Variants in RUBCN observed in about 807,000 individuals in gnomAD.
RUBCN encodes rubicon autophagy regulator, also known as run domain Beclin-1-interacting and cysteine-rich domain-containing protein.
RUBCN carries 74 observed loss-of-function variants against 113.2 expected under a neutral mutation model. That is an observed-to-expected ratio of 0.65 (90% CI 0.54 to 0.79). RUBCN has a LOEUF of 0.79. RUBCN is among the 30% of genes least tolerant of loss of function. The pLI is 0.00. For synonymous variants in RUBCN, 480 were observed against 490.0 expected, an observed-to-expected ratio of 0.98 and a Z score of 0.27; for missense variants, 1,109 against 1,251.7, an observed-to-expected ratio of 0.89 and a Z score of 1.72.
intron 1 of RUBCN, among the ~76,000 whole-genome samples, chr3:197,732,921 G>A (rs1279021679): frequency 1.3e-5 from 2 of 152,172 alleles, no homozygotes; most frequent in African/African-American, 2.4e-5. Context: ...GGGTGGATTC[G>A]ACATTTTTCC....
At chr3:197,708,636 A>C (rs1724601884) in intron 2 of RUBCN, among the ~76,000 whole-genome samples, 1 of 152,024 alleles carries the variant, frequency 6.6e-6, no homozygotes, top group Admixed American at 6.6e-5. Context: ...GTTGCCAAAG[A>C]AGCACTCAAG....
At chr3:197,699,260 G>C in intron 7 of RUBCN, 2 of 1,490,888 alleles carry the variant, frequency 1.3e-6, no homozygotes, top group Middle Eastern at 1.7e-4. Context: ...GTGCAGAGGA[G>C]AGTCCAGATA....
At chr3:197,705,071 C>A in intron 3 of RUBCN, 21 bp downstream of exon 3, 2 of 1,597,446 alleles carry the variant, frequency 1.3e-6, no homozygotes, top group Middle Eastern at 3.3e-4. Context: ...GCCAGCACAG[C>A]CGCTCTGCTC....
Position 197,734,412 on chromosome 3 carries a change from A to G in RUBCN, c.65+2243T>C, listed in dbSNP as rs1002427505. ...TAGTGAGACCCTGTCTAAAAAAAGA[A>G]AAAAAAAAAAAAGCGCAGACTCTGG... On this transcript the variant is annotated intron_variant, in intron 1 of 19. Coordinates refer to ENST00000296343, the MANE Select transcript of RUBCN (RefSeq NM_014687.4). 6.8e-5 allele frequency among the ~76,000 whole-genome samples: 9 copies of G among 133,088 alleles called. No homozygotes were observed. The East Asian group carries it at 1.2e-3, about 17-fold the overall frequency. The allele number at this position is 133,088 out of a possible 152,430, so 87.3% of individuals were successfully genotyped here.
intron 16 of RUBCN, among the ~76,000 whole-genome samples, chr3:197,680,047 C>A (rs1268186621): frequency 1.3e-5 from 2 of 151,508 alleles, no homozygotes; most frequent in African/African-American, 2.4e-5. Flanking sequence ...TACGCTCTGA[C>A]AACTGGCTTC....
At chr3:197,747,390 CTTT>C (rs397937984) in intron 1 of RUBCN, among the ~76,000 whole-genome samples, 1 of 144,338 alleles carries the variant, frequency 6.9e-6, no homozygotes, top group East Asian at 2.0e-4. Flanking sequence ...AAAAGAGAAT[CTTT>C]TTTTTTTTTT....
rs923506034 is a variant in RUBCN, at chr3:197,709,623, G to A, written c.220-4448C>T. Among the ~76,000 whole-genome samples the A allele has an allele frequency of 6.6e-5, 10 of 152,000 alleles. No homozygotes were observed. In the South Asian group the frequency reaches 8.3e-4, roughly 13 times the overall value. On this transcript the variant is annotated intron_variant, in intron 2 of 19. Coordinates refer to ENST00000296343, the MANE Select transcript of RUBCN (RefSeq NM_014687.4). ...TCAAACTCCCCACCTCAGGTGATCC[G>A]CCTGCCTCGGCCTCCCAAAGTGCTG...
chr3:197,700,763 C>T lies in RUBCN; in HGVS notation c.1111G>A (p.Asp371Asn). The T allele has an allele frequency of 6.2e-7, 1 of 1,614,190 alleles. No individual in the cohort carries two copies. ...TGGCTCTCCCCACCTCCTTCCTGGT[C>T]CCCTAAGGAAGAGGCAGCAGAATCT... ...KPDSAASSLG[D>N]QEGGGESQLS... Residue 371 changes from aspartate (D) to asparagine (N), a missense_variant, in exon 7 of 20, where the codon GAC (aspartate) becomes AAC (asparagine). Coordinates refer to ENST00000296343, the MANE Select transcript of RUBCN (RefSeq NM_014687.4).
upstream of RUBCN, among the ~76,000 whole-genome samples, chr3:197,737,446 C>G (rs1728274402): frequency 6.6e-6 from 1 of 151,372 alleles, no homozygotes; most frequent in East Asian, 1.9e-4. Context: ...GCAGAGTTTT[C>G]AAGGCTGAGT....
At chr3:197,724,436 T>A (rs572273776) in intron 1 of RUBCN, among the ~76,000 whole-genome samples, 2 of 152,344 alleles carry the variant, frequency 1.3e-5, no homozygotes, top group South Asian at 4.1e-4. Context: ...GTGAAAGTAC[T>A]ATGCAATTGC....
chr3:197,682,539 C>T lies in RUBCN; in HGVS notation c.2057G>A (p.Arg686His), dbSNP rs758004650. 1.1e-5 allele frequency: 17 copies of T among 1,614,034 alleles called. 1 individual carries two copies. The highest frequency in any genetic ancestry group is 7.7e-5 in the South Asian group (7 of 91,086). ...GGCCCACTCCAAGTTGCCACGAACACGAATCCGCAGCTTGTAGATGTCAGC... is the reference window on the plus strand; with the variant it reads ...GGCCCACTCCAAGTTGCCACGAACATGAATCCGCAGCTTGTAGATGTCAGC... ...QHADIYKLRI[R>H]VRGNLEWAPP... Residue 686 changes from arginine (R) to histidine (H), a missense_variant, in exon 14 of 20, where the codon CGT becomes CAT. Around this residue, in one of 3 missense-constraint regions of RUBCN, gnomAD observed 67 missense variants for 123.2 expected, o/e 0.54. Transcript: ENST00000296343.
chr3:197,697,883 C>T (rs1469683330), intron 7 of RUBCN, among the ~76,000 whole-genome samples: 1 of 151,976 alleles, frequency 6.6e-6, no homozygotes, highest in Non-Finnish European at 1.5e-5. Context: ...ACTTGCTCCT[C>T]TCACAAAAAA....
In RUBCN at chr3:197,695,938, T is replaced by C; in HGVS notation, c.1401A>G (p.Arg467=). 6.2e-7 allele frequency: 1 copy of C among 1,614,166 alleles called. No individual in the cohort carries two copies. The highest frequency in any genetic ancestry group is 8.5e-7 in the Non-Finnish European group (1 of 1,180,028). ...TGATGAGGGACTGTCCTTCTGATGG[T>C]CTTCGGAACATGCCTTCCCCTGAGC... is the stretch of plus-strand genomic sequence containing the variant. ...YLCSGEGMFR[R]PSEGQSLISY... The change falls in exon 9 of 20, where the codon AGA becomes AGG. Residue 467 remains arginine, a synonymous_variant. Transcript: ENST00000296343.
intron 1 of RUBCN, among the ~76,000 whole-genome samples, chr3:197,720,426 A>C (rs1726018135): frequency 6.7e-6 from 1 of 149,894 alleles, no homozygotes; most frequent in Admixed American, 6.6e-5. Flanking sequence ...TTTTTTTTTT[A>C]AGACAGACTC....
At chr3:197,676,680 T>A in intron 18 of RUBCN, 4 of 1,431,480 alleles carry the variant, frequency 2.8e-6, no homozygotes, top group Non-Finnish European at 3.6e-6. Flanking sequence ...CAGCACCAGC[T>A]CCTCCCCTCA....
intron 2 of RUBCN, among the ~76,000 whole-genome samples, chr3:197,716,176 G>A (rs1428024440): frequency 6.6e-6 from 1 of 152,192 alleles, no homozygotes; most frequent in Non-Finnish European, 1.5e-5. Flanking sequence ...CGCTCAGGCT[G>A]GAGCGCGGTG....
chr3:197,694,135 C>A (rs1468194600), intron 10 of RUBCN: 13 of 639,240 alleles, frequency 2.0e-5, no homozygotes, highest in Non-Finnish European at 3.7e-5. Context: ...AAGTGATCCA[C>A]CCGCCTCGGC....
intron 11 of RUBCN, among the ~76,000 whole-genome samples, chr3:197,692,882 C>T (rs965899976): frequency 1.3e-4 from 20 of 152,224 alleles, no homozygotes; most frequent in African/African-American, 4.6e-4. Context: ...TCTTGCAACA[C>T]AAGACCTATC....
intron 1 of RUBCN, among the ~76,000 whole-genome samples, chr3:197,731,626 A>AC (rs532505102): frequency 1.3e-3 from 184 of 142,746 alleles, no homozygotes; most frequent in Middle Eastern, 7.4e-3. Flanking sequence ...GCGGGGCCTG[A>AC]CCCCCCCACC....
Sources: gnomAD v4.1 joint callset for allele counts (sites outside exome capture counted in the v4.1 genomes callset) on GRCh38, gnomAD v4.1.1 for gene constraint, gnomAD v4.1.1 regional missense constraint, MANE v1.5 for transcripts, NCBI Gene and HGNC (gene_info 2026-07-23, HGNC 2026-07-21) for gene names.